The following MDFIC2 variants were observed in gnomAD, a reference collection of about 807,000 sequenced individuals.
The protein encoded by MDFIC2 is myoD family inhibitor domain-containing protein 2.
chr3:70,290,970 A>G (rs965194545), intron 2 of MDFIC2, among the ~76,000 whole-genome samples: 1 of 152,084 alleles, frequency 6.6e-6, no homozygotes, highest in African/African-American at 2.4e-5. Context: ...GGCACTCCCT[A>G]GTGAGATGAA....
At chr3:70,277,163 G>T (rs1353377380) in intron 2 of MDFIC2, among the ~76,000 whole-genome samples, 1 of 152,140 alleles carries the variant, frequency 6.6e-6, no homozygotes, top group African/African-American at 2.4e-5. Flanking sequence ...TTTCCTGATA[G>T]GCTCCTAAGG....
intron 2 of MDFIC2, among the ~76,000 whole-genome samples, chr3:70,307,407 C>A (rs367614649): frequency 3.3e-5 from 5 of 152,064 alleles, no homozygotes; most frequent in African/African-American, 1.2e-4. Flanking sequence ...GTTTCTCTTC[C>A]GTATCAAATG....
intron 2 of MDFIC2, among the ~76,000 whole-genome samples, chr3:70,240,299 C>T (rs1403717082): frequency 6.6e-6 from 1 of 151,582 alleles, no homozygotes; most frequent in Non-Finnish European, 1.5e-5. Flanking sequence ...GGAAAAAAAA[C>T]AGTAGCTAAG....
intron 2 of MDFIC2, chr3:70,291,717 A>C (rs1357988280): frequency 6.6e-6 from 1 of 152,224 alleles, no homozygotes; most frequent in Non-Finnish European, 1.5e-5. Flanking sequence ...CCTGTGAGTC[A>C]CTGACAACAG....
chr3:70,212,372 A>T (rs1352110752), intron 2 of MDFIC2, among the ~76,000 whole-genome samples: 1 of 152,146 alleles, frequency 6.6e-6, no homozygotes, highest in Non-Finnish European at 1.5e-5. Flanking sequence ...AAACTGGAAT[A>T]ACTCTGGCTA....
intron 2 of MDFIC2, among the ~76,000 whole-genome samples, chr3:70,222,845 T>G (rs1701473064): frequency 6.6e-6 from 1 of 152,190 alleles, no homozygotes; most frequent in Non-Finnish European, 1.5e-5. Flanking sequence ...ATACTGCTGA[T>G]GTTTTAAAGG....
chr3:70,224,625 G>A (rs1701487511), intron 2 of MDFIC2, among the ~76,000 whole-genome samples: 1 of 152,160 alleles, frequency 6.6e-6, no homozygotes, highest in Non-Finnish European at 1.5e-5. Flanking sequence ...GCCAGAGGCA[G>A]TAACGGGGTC....
At chr3:70,294,163 T>G (rs1461895047) in intron 2 of MDFIC2, among the ~76,000 whole-genome samples, 1 of 152,192 alleles carries the variant, frequency 6.6e-6, no homozygotes, top group Non-Finnish European at 1.5e-5. Flanking sequence ...CCCTAGCATT[T>G]AAAAACTAGT....
chr3:70,280,997 T>C lies in MDFIC2; in HGVS notation c.88+30889A>G, dbSNP rs796867533. Reference sequence around the variant, plus strand: ...CACAGCTGTACATAGTTTGTTAAACTTACGTATAAAAAAATGACAATTTCC... The same window carrying C: ...CACAGCTGTACATAGTTTGTTAAACCTACGTATAAAAAAATGACAATTTCC... On this transcript the variant is annotated intron_variant, in intron 2 of 3. Transcript: ENST00000567252. 2.6e-5 allele frequency among the ~76,000 whole-genome samples: 4 copies of C among 152,348 alleles called. 1 individual carries two copies. In the South Asian group the frequency reaches 6.2e-4, roughly 24 times the overall value.
intron 2 of MDFIC2, among the ~76,000 whole-genome samples, chr3:70,294,492 G>T (rs1217020567): frequency 6.6e-6 from 1 of 152,068 alleles, no homozygotes; most frequent in Non-Finnish European, 1.5e-5. Context: ...AGGAGAAAGA[G>T]ATCCCAAAAA....
rs200153359 is a variant in MDFIC2, at chr3:70,218,756, G to GA, written c.89-11967dup. Among the ~76,000 whole-genome samples, 658 of 151,638 alleles carry GA rather than the reference G, an allele frequency of 4.3e-3. 5 individuals are homozygous for GA. Among genetic ancestry groups the GA allele is most frequent in the African/African-American group, 0.015 (603 of 41,386 alleles). On this transcript the variant is annotated intron_variant, in intron 2 of 3. Coordinates refer to ENST00000567252, the MANE Select transcript of MDFIC2 (RefSeq NM_001364677.1). Reference sequence around the variant, plus strand: ...AGGATTTGAGCTATAACAATAAATAGAAAAAAAAATTCTTCAGCATTTTTG... The same window carrying GA: ...AGGATTTGAGCTATAACAATAAATAGAAAAAAAAAATTCTTCAGCATTTTTG...
At chr3:70,228,722 CATT>C (rs2106742642) in intron 2 of MDFIC2, among the ~76,000 whole-genome samples, 1 of 148,726 alleles carries the variant, frequency 6.7e-6, no homozygotes, top group Non-Finnish European at 1.5e-5. Flanking sequence ...ATATTCTTCT[CATT>C]AATTTTTTCA....
chr3:70,275,680 C>T (rs1357269), intron 2 of MDFIC2, among the ~76,000 whole-genome samples: 8,515 of 152,178 alleles, frequency 0.056, 655 homozygotes, highest in East Asian at 0.33. Context: ...TGTTCATCAG[C>T]GATAACAATA....
chr3:70,277,609 T>G (rs959950718), intron 2 of MDFIC2, among the ~76,000 whole-genome samples: 1 of 152,222 alleles, frequency 6.6e-6, no homozygotes, highest in Non-Finnish European at 1.5e-5. Flanking sequence ...GTGTCATACT[T>G]CAAAACTGCT....
intron 2 of MDFIC2, among the ~76,000 whole-genome samples, chr3:70,240,287 G>A (rs539012077): frequency 6.0e-4 from 91 of 150,696 alleles, no homozygotes; most frequent in African/African-American, 2.2e-3. Context: ...ATCTCATCTT[G>A]GGGAAAAAAA....
intron 2 of MDFIC2, chr3:70,292,077 T>G (rs1702244581): frequency 6.6e-6 from 1 of 152,172 alleles, no homozygotes; most frequent in Non-Finnish European, 1.5e-5. Flanking sequence ...AACTATTCCT[T>G]TATGAATACT....
chr3:70,198,063 CTTTCT>C (rs1701198456), intron 3 of MDFIC2, among the ~76,000 whole-genome samples: 1 of 151,926 alleles, frequency 6.6e-6, no homozygotes, highest in Non-Finnish European at 1.5e-5. Flanking sequence ...TTTAACTTTT[CTTTCT>C]TTTAAGTTAA....
At chr3:70,206,213 C>A (rs1032062965) in intron 3 of MDFIC2, among the ~76,000 whole-genome samples, 5 of 151,932 alleles carry the variant, frequency 3.3e-5, no homozygotes, top group Admixed American at 3.3e-4. Flanking sequence ...TTTCTCTCTG[C>A]CTTCTTTTCT....
chr3:70,207,830 C>T (rs779056713), intron 2 of MDFIC2, among the ~76,000 whole-genome samples: 1 of 151,896 alleles, frequency 6.6e-6, no homozygotes, highest in Admixed American at 6.6e-5. Flanking sequence ...CTGAAAATTT[C>T]GATATCTGTG....
Sources: gnomAD v4.1 joint callset for allele counts (sites outside exome capture counted in the v4.1 genomes callset) on GRCh38, gnomAD v4.1.1 for gene constraint, MANE v1.5 for transcripts, NCBI Gene and HGNC (gene_info 2026-07-23, HGNC 2026-07-21) for gene names.